The following SETD1B variants were observed in gnomAD, a reference collection of about 807,000 sequenced individuals.
The protein encoded by SETD1B is histone-lysine N-methyltransferase SETD1B.
In SETD1B, 7 loss-of-function variants were observed where a neutral mutation model predicts 148.0. The ratio of observed to expected loss-of-function variants is 0.05; its 90% CI spans 0.03 to 0.09. SETD1B has a LOEUF of 0.09. Ranked by LOEUF, SETD1B falls within the 10% of genes least tolerant of loss-of-function variation. The pLI, the probability that SETD1B is intolerant of heterozygous loss-of-function variation, is 1.00. For synonymous variants in SETD1B, 1,361 were observed against 1,186.5 expected (o/e 1.15, Z -3.02); for missense variants, 2,155 against 2,729.9 (o/e 0.79, Z 4.69).
chr12:121,797,690 G>T, the SETD1B span: 1 of 443,156 alleles, frequency 2.3e-6, no homozygotes, highest in South Asian at 1.6e-5. Context: ...AGCAGGTGGG[G>T]AGTAAAGACC....
chr12:121,832,077 A>G lies in SETD1B; in HGVS notation c.*1838A>G, dbSNP rs1877121302. On this transcript the variant is annotated 3_prime_UTR_variant, in exon 17 of 17. Transcript: ENST00000604567. ...ACTGAGGAAATAATTTATTTTTCAC[A>G]TGAGGAAATGCGTAGCTTGTAGAGA... 2 of 152,104 alleles carry G rather than the reference A, an allele frequency of 1.3e-5. No individual in the cohort carries two copies. Among genetic ancestry groups the G allele is most frequent in the Admixed American group, 6.6e-5 (1 of 15,264 alleles). The allele number at this position is 152,104 out of a possible 1,614,324, so 9.4% of individuals were successfully genotyped here.
In SETD1B at chr12:121,808,454, A is replaced by AGGCCTT. The variant is rs1322954375; in HGVS notation, c.657+136_657+137insCCTTGG. ...ACTCCAGCTTTGGAGACCAAGGCCT[A>AGGCCTT]GGAGGGTGTGAAGCCTGGCCACGCC... On this transcript the variant is annotated intron_variant, in intron 5 of 16. Transcript: ENST00000604567. The surrounding 1 kb of genome is among the most constrained non-coding windows in gnomAD (Gnocchi z 5.3). 3.3e-6 allele frequency: 2 copies of AGGCCTT among 607,958 alleles called. No individual in the cohort carries two copies. Among genetic ancestry groups the AGGCCTT allele is most frequent in the Admixed American group, 5.8e-5 (2 of 34,426 alleles). The allele number at this position is 607,958 out of a possible 1,614,324, so 37.7% of individuals were successfully genotyped here.
Position 121,823,299 on chromosome 12 carries a change from T to C in SETD1B, c.4720T>C (p.Phe1574Leu), listed in dbSNP as rs1876670043. ...TGACCCCCGGACGGTGACCCTGGAC[T>C]TCCGGAACGCGGGGATCCCAGCCCC... is the stretch of plus-strand genomic sequence containing the variant. ...THDPRTVTLD[F>L]RNAGIPAPPP... The change falls in exon 12 of 17, where the codon TTC becomes CTC. Residue 1574 changes from phenylalanine to leucine, a missense_variant. Transcript: ENST00000604567. 1 of 1,548,462 alleles carries C rather than the reference T, an allele frequency of 6.5e-7. No individual in the cohort carries two copies. Among genetic ancestry groups the C allele is most frequent in the African/African-American group, 1.4e-5 (1 of 72,738 alleles).
rs1468814022 is a variant in SETD1B, at chr12:121,804,296, C to G, written c.-15+63C>G. 6.8e-6 allele frequency: 1 copy of G among 146,308 alleles called. No homozygotes were observed. The highest frequency in any genetic ancestry group is 1.5e-5 in the Non-Finnish European group (1 of 65,730). 9.1% of individuals were successfully genotyped at this position (146,308 alleles called of 1,614,324 possible). A position where few individuals can be genotyped will look rare whatever the true frequency, so the allele number is the denominator to read the frequency against. On this transcript the variant is annotated intron_variant, in intron 1 of 16. Coordinates refer to ENST00000604567, the MANE Select transcript of SETD1B (RefSeq NM_001353345.2). This position sits in a 1 kb window ranked among gnomAD's most constrained non-coding sequence, Gnocchi z 4.6. ...AGCCGGGCGGCCCAAGCCCCCGGCC[C>G]CGGCCCTGGCCCGAGCGGGCGAGCG...
the SETD1B span, among the ~76,000 whole-genome samples, chr12:121,798,397 CG>C: frequency 3.3e-5 from 5 of 152,206 alleles, no homozygotes; most frequent in African/African-American, 2.4e-5. Context: ...TGGGCTGGTG[CG>C]GGGGGAAGCT....
chr12:121,827,194 C>G (rs888613530), intron 13 of SETD1B, among the ~76,000 whole-genome samples: 1 of 151,726 alleles, frequency 6.6e-6, no homozygotes. Flanking sequence ...GAAGGATCCC[C>G]GATTTTGAAC....
rs1877039041 is a variant in SETD1B, at chr12:121,830,395, C to T, written c.*156C>T. The T allele has an allele frequency of 1.6e-6, 1 of 639,846 alleles. No homozygotes were observed. Among genetic ancestry groups the T allele is most frequent in the Admixed American group, 3.1e-5 (1 of 32,262 alleles). 39.6% of individuals were successfully genotyped at this position (639,846 alleles called of 1,614,324 possible). A position where few individuals can be genotyped will look rare whatever the true frequency, so the allele number is the denominator to read the frequency against. On this transcript the variant is annotated 3_prime_UTR_variant, in exon 17 of 17. Coordinates refer to ENST00000604567, the MANE Select transcript of SETD1B (RefSeq NM_001353345.2). The surrounding 1 kb of genome is among the most constrained non-coding windows in gnomAD (Gnocchi z 5.7). Reference sequence around the variant, plus strand: ...AGGGCCTGGCGCCCCACACTACCCCCTGGAGCCCCTGGCTCCGGCCCCTCC... The same window carrying T: ...AGGGCCTGGCGCCCCACACTACCCCTTGGAGCCCCTGGCTCCGGCCCCTCC...
chr12:121,814,728 C>T lies in SETD1B; in HGVS notation c.2513C>T (p.Pro838Leu). ...CGCGGGCAGCACTGGCCACCACTGC[C>T]CAAGTTTGACCCGTCAGTGCCTCCA... The part of the protein sequence containing the change: ...PGRGQHWPPL[P>L]KFDPSVPPPG... Residue 838 changes from proline to leucine, a missense_variant, in exon 7 of 17, where the codon CCC becomes CTC. Physicochemically the swap from Pro to Leu is moderately conservative, Grantham distance 98 (BLOSUM62 -3). Transcript: ENST00000604567. 6.4e-7 allele frequency: 1 copy of T among 1,551,112 alleles called. No individual in the cohort carries two copies. Among genetic ancestry groups the T allele is most frequent in the Non-Finnish European group, 8.7e-7 (1 of 1,146,986 alleles).
At chr12:121,797,725 T>C in the SETD1B span, 2 of 394,088 alleles carry the variant, frequency 5.1e-6, no homozygotes, top group African/African-American at 4.2e-5. Context: ...ACGAAGACTC[T>C]AAAGGGAGGC....
chr12:121,793,595 G>C, the SETD1B span: 2 of 1,551,286 alleles, frequency 1.3e-6, no homozygotes, highest in Non-Finnish European at 1.7e-6. Context: ...TGCCCGGACC[G>C]GGGGCGGCGG....
upstream of SETD1B, chr12:121,802,467 AAG>A (rs920783716): frequency 6.6e-6 from 1 of 152,224 alleles, no homozygotes; most frequent in Non-Finnish European, 1.5e-5. Flanking sequence ...CCTTGTTAAA[AAG>A]AGAGAAGGAG....
the SETD1B span, chr12:121,795,873 A>C: frequency 6.5e-6 from 1 of 152,674 alleles, no homozygotes; most frequent in African/African-American, 2.4e-5. Flanking sequence ...TTATGACAGC[A>C]CAAGCTTGCA....
At position 121,805,811 on chromosome 12, in the gene SETD1B, C is replaced by T. The variant is rs1875715177; in HGVS notation, c.274-24C>T. The stretch of plus-strand genomic sequence containing the variant: ...CTTAGGTTTAAACGTTCTTCAAACT[C>T]CCTTCCCCCTCGGCCCCTGCCAGAT... On this transcript the variant is annotated intron_variant, in intron 3 of 16. Transcript: ENST00000604567. This position sits in a 1 kb window ranked among gnomAD's most constrained non-coding sequence, Gnocchi z 4.2. 6.5e-7 allele frequency: 1 copy of T among 1,545,864 alleles called. No homozygotes were observed. Among genetic ancestry groups the T allele is most frequent in the Non-Finnish European group, 8.7e-7 (1 of 1,143,252 alleles).
At chr12:121,790,398 T>G in the SETD1B span, among the ~76,000 whole-genome samples, 2 of 152,270 alleles carry the variant, frequency 1.3e-5, no homozygotes, top group Non-Finnish European at 2.9e-5. Flanking sequence ...TCTTGGCCTT[T>G]GCCTCTCTCT....
At chr12:121,798,838 G>A in the SETD1B span, among the ~76,000 whole-genome samples, 1 of 152,234 alleles carries the variant, frequency 6.6e-6, no homozygotes, top group Non-Finnish European at 1.5e-5. Flanking sequence ...ATCTCCAGCT[G>A]TGGAGCTTCT....
chr12:121,793,920 T>G, the SETD1B span: 1 of 302,652 alleles, frequency 3.3e-6, no homozygotes, highest in Non-Finnish European at 6.0e-6. Flanking sequence ...GCGCGTCACG[T>G]CGCGCCCCTC....
At chr12:121,796,915 G>A in the SETD1B span, among the ~76,000 whole-genome samples, 1 of 151,978 alleles carries the variant, frequency 6.6e-6, no homozygotes, top group Non-Finnish European at 1.5e-5. Context: ...GCACATGCCT[G>A]TAATCCCAGC....
the SETD1B span, among the ~76,000 whole-genome samples, chr12:121,798,888 G>A: frequency 2.0e-5 from 3 of 152,222 alleles, no homozygotes; most frequent in African/African-American, 7.2e-5. Context: ...CATGAAGTCG[G>A]CTAGCGTTAG....
upstream of SETD1B, chr12:121,803,250 C>T (rs1209346373): frequency 1.3e-5 from 2 of 152,194 alleles, no homozygotes; most frequent in Non-Finnish European, 2.9e-5. The surrounding 1 kb of genome is among the most constrained non-coding windows in gnomAD (Gnocchi z 4.7). Context: ...ACTCCCGGAC[C>T]TTTAATAAAG....
Sources: allele counts gnomAD v4.1 joint callset (sites outside exome capture counted in the v4.1 genomes callset), GRCh38; gene constraint gnomAD v4.1.1; non-coding constraint Gnocchi (gnomAD v3.1); transcripts MANE v1.5; gene names NCBI Gene and HGNC (gene_info 2026-07-23, HGNC 2026-07-21).